The following SAMD5 variants were observed in gnomAD, a reference collection of about 807,000 sequenced individuals.
SAMD5 encodes sterile alpha motif domain-containing protein 5.
Under a neutral mutation model 11.3 loss-of-function variants are expected in SAMD5, and 13 were observed. The observed-to-expected ratio is 1.15, with a 90% CI of 0.75 to 1.83. SAMD5 has a LOEUF of 1.83. Ranked by LOEUF, SAMD5 falls within the 40% of genes most tolerant of loss-of-function variation. The pLI is 0.00. For missense variants in SAMD5, 255 were observed against 239.1 expected (o/e 1.07, Z -0.44); for synonymous variants, 129 against 111.3 (o/e 1.16, Z -1.00).
the SAMD5 span, among the ~76,000 whole-genome samples, chr6:147,870,814 G>A: frequency 2.1e-5 from 3 of 143,924 alleles, no homozygotes; most frequent in East Asian, 6.5e-4. Context: ...AGGGGAGGGA[G>A]GAGGAGGGGA....
At position 147,567,017 on chromosome 6, in the gene SAMD5, A is replaced by G. The variant is rs1789052589; in HGVS notation, c.*2561A>G. 3.4e-6 allele frequency: 3 copies of G among 871,004 alleles called. No homozygotes were observed. Among genetic ancestry groups the G allele is most frequent in the Non-Finnish European group, 4.1e-6 (3 of 725,944 alleles). 54.0% of individuals were successfully genotyped at this position (871,004 alleles called of 1,614,324 possible). On this transcript the variant is annotated 3_prime_UTR_variant, in exon 2 of 2. Coordinates refer to ENST00000367474, the MANE Select transcript of SAMD5 (RefSeq NM_001030060.3). ...AATATGTTATAAAAACTAGGGGATT[A>G]TCTTGATTTACATTTCCTAGAGTAT...
chr6:147,807,558 T>TA, the SAMD5 span, among the ~76,000 whole-genome samples: 1,625 of 151,766 alleles, frequency 0.011, 29 homozygotes, highest in African/African-American at 0.037. Context: ...TCCATTTTAC[T>TA]AAAAAAAAAT....
At chr6:147,667,296 T>C (rs951212762) in intron 1 of SAMD5, among the ~76,000 whole-genome samples, 1 of 152,204 alleles carries the variant, frequency 6.6e-6, no homozygotes, top group Non-Finnish European at 1.5e-5. Flanking sequence ...GCATCTTTTT[T>C]TTAATGGTGA....
chr6:147,621,557 G>T (rs1161504353), intron 1 of SAMD5, among the ~76,000 whole-genome samples: 2 of 152,196 alleles, frequency 1.3e-5, no homozygotes, highest in Non-Finnish European at 2.9e-5. Flanking sequence ...CTCATGATTG[G>T]CCTGAGCCTG....
chr6:147,782,906 G>A, the SAMD5 span, among the ~76,000 whole-genome samples: 1 of 152,056 alleles, frequency 6.6e-6, no homozygotes, highest in East Asian at 1.9e-4. Flanking sequence ...GGGTCTGTTG[G>A]AACTGTTTTA....
Position 147,568,935 on chromosome 6 carries a change from A to C in SAMD5, c.*4479A>C. 4.1e-6 allele frequency: 4 copies of C among 979,342 alleles called. No homozygotes were observed. The highest frequency in any genetic ancestry group is 3.6e-6 in the Non-Finnish European group (3 of 824,624). 60.7% of individuals were successfully genotyped at this position (979,342 alleles called of 1,614,324 possible). On this transcript the variant is annotated 3_prime_UTR_variant, in exon 2 of 2. Coordinates refer to ENST00000367474, the MANE Select transcript of SAMD5 (RefSeq NM_001030060.3). Reference sequence around the variant, plus strand: ...GGGAAAAAAAAATGGTAGGTAGTTCAGAAAAAAATGGCTGGGCACGGTGGC... The same window carrying C: ...GGGAAAAAAAAATGGTAGGTAGTTCCGAAAAAAATGGCTGGGCACGGTGGC...
intron 1 of SAMD5, among the ~76,000 whole-genome samples, chr6:147,577,559 T>G (rs1789234799): frequency 6.6e-6 from 1 of 152,184 alleles, no homozygotes; most frequent in African/African-American, 2.4e-5. Context: ...TCTTTTAGCC[T>G]ACAAATCCTA....
At chr6:147,737,247 C>T in intron 1 of SAMD5, 1 of 916,246 alleles carries the variant, frequency 1.1e-6, no homozygotes, top group Non-Finnish European at 1.4e-6. Context: ...TCCCCCTTCA[C>T]CGTGCTTTTT....
At chr6:147,931,192 A>T in the SAMD5 span, among the ~76,000 whole-genome samples, 1 of 152,300 alleles carries the variant, frequency 6.6e-6, no homozygotes. Context: ...TTGTGAGATA[A>T]AGTATAATAA....
the SAMD5 span, among the ~76,000 whole-genome samples, chr6:147,818,602 T>C: frequency 6.6e-6 from 1 of 152,206 alleles, no homozygotes; most frequent in South Asian, 2.1e-4. Flanking sequence ...ATTATTTCTG[T>C]AATCATCCAA....
chr6:147,719,348 T>C (rs1005448554), intron 1 of SAMD5, among the ~76,000 whole-genome samples: 1 of 152,166 alleles, frequency 6.6e-6, no homozygotes, highest in Non-Finnish European at 1.5e-5. Context: ...ATCTTAAAGA[T>C]GGGGGTGCTG....
the SAMD5 span, among the ~76,000 whole-genome samples, chr6:147,786,194 T>C: frequency 6.6e-6 from 1 of 152,216 alleles, no homozygotes; most frequent in African/African-American, 2.4e-5. Flanking sequence ...CTGACTATTG[T>C]TTTTGCAGAT....
chr6:147,564,553 G>T lies in SAMD5; in HGVS notation c.*97G>T. The stretch of plus-strand genomic sequence containing the variant: ...TCTTTCAAAAAGGGAAATGGATGAT[G>T]ACCCTGGAAATACTCATCAGCTTAA... On this transcript the variant is annotated 3_prime_UTR_variant, in exon 2 of 2. Coordinates refer to ENST00000367474, the MANE Select transcript of SAMD5 (RefSeq NM_001030060.3). 3.6e-6 allele frequency: 4 copies of T among 1,114,112 alleles called. No homozygotes were observed. Among genetic ancestry groups the T allele is most frequent in the Non-Finnish European group, 5.4e-6 (4 of 746,742 alleles). The allele number at this position is 1,114,112 out of a possible 1,614,324, so 69.0% of individuals were successfully genotyped here.
intron 1 of SAMD5, among the ~76,000 whole-genome samples, chr6:147,529,493 G>A (rs1788394298): frequency 6.6e-6 from 1 of 152,136 alleles, no homozygotes; most frequent in Non-Finnish European, 1.5e-5. Context: ...GTCTTATAAT[G>A]TATACACGCA....
the SAMD5 span, among the ~76,000 whole-genome samples, chr6:147,851,155 G>T: frequency 6.6e-6 from 1 of 151,802 alleles, no homozygotes; most frequent in Non-Finnish European, 1.5e-5. Context: ...TGTTGGCCAG[G>T]CTGGTCTCAA....
chr6:147,845,693 A>C, the SAMD5 span, among the ~76,000 whole-genome samples: 1 of 152,058 alleles, frequency 6.6e-6, no homozygotes. Context: ...TTCACTATGC[A>C]CCTATCAAAA....
chr6:147,872,375 A>G, the SAMD5 span, among the ~76,000 whole-genome samples: 1 of 152,164 alleles, frequency 6.6e-6, no homozygotes, highest in Admixed American at 6.5e-5. Context: ...TGGGATTATA[A>G]GCATGAGCTA....
At chr6:147,705,040 G>A (rs1287686022) in intron 1 of SAMD5, among the ~76,000 whole-genome samples, 1 of 152,206 alleles carries the variant, frequency 6.6e-6, no homozygotes, top group Admixed American at 6.5e-5. Flanking sequence ...TGGAACACTT[G>A]TGCATAAAAG....
the SAMD5 span, among the ~76,000 whole-genome samples, chr6:147,928,874 T>C: frequency 1.3e-5 from 2 of 152,318 alleles, no homozygotes; most frequent in Middle Eastern, 3.4e-3. Context: ...TTTGTTCTCA[T>C]TGGTTTCAAA....
Sources: gnomAD v4.1 joint callset for allele counts (sites outside exome capture counted in the v4.1 genomes callset) on GRCh38, gnomAD v4.1.1 for gene constraint, MANE v1.5 for transcripts, NCBI Gene and HGNC (gene_info 2026-07-23, HGNC 2026-07-21) for gene names.